Variants in CCSER1 observed in about 807,000 individuals in gnomAD.
CCSER1 encodes coiled-coil serine rich protein 1, also known as serine-rich coiled-coil domain-containing protein 1.
CCSER1 carries 41 observed loss-of-function variants against 82.0 expected under a neutral mutation model. That is an observed-to-expected ratio of 0.50 (90% CI 0.39 to 0.65). The LOEUF is 0.65. Ranked by LOEUF, CCSER1 falls within the 30% of genes least tolerant of loss-of-function variation. CCSER1 has a pLI of 0.00. For missense variants in CCSER1, 1,119 were observed against 1,064.2 expected, an observed-to-expected ratio of 1.05 and a Z score of -0.72; for synonymous variants, 414 against 383.9, an observed-to-expected ratio of 1.08 and a Z score of -0.92.
At chr4:90,287,738 TAA>T (rs1301252887) in intron 1 of CCSER1, among the ~76,000 whole-genome samples, 3 of 152,120 alleles carry the variant, frequency 2.0e-5, no homozygotes, top group Non-Finnish European at 2.9e-5. Context: ...AATTTATTTT[TAA>T]AGAGTCTATT....
chr4:90,569,895 C>CT (rs1779902571), intron 5 of CCSER1, among the ~76,000 whole-genome samples: 1 of 152,122 alleles, frequency 6.6e-6, no homozygotes, highest in Non-Finnish European at 1.5e-5. Flanking sequence ...AGGAGAGTGC[C>CT]TACAGCACAG....
chr4:91,280,836 G>A (rs1489592089), intron 10 of CCSER1, among the ~76,000 whole-genome samples: 1 of 152,156 alleles, frequency 6.6e-6, no homozygotes, highest in African/African-American at 2.4e-5. Flanking sequence ...GAATGTCAGT[G>A]GTGCTCCAGA....
intron 10 of CCSER1, among the ~76,000 whole-genome samples, chr4:91,218,225 C>G (rs1228420647): frequency 6.6e-6 from 1 of 152,216 alleles, no homozygotes; most frequent in Non-Finnish European, 1.5e-5. Flanking sequence ...CTAAGTCCCC[C>G]ATTGCCCGGG....
intron 10 of CCSER1, among the ~76,000 whole-genome samples, chr4:91,171,096 A>G (rs993866063): frequency 1.3e-5 from 2 of 152,200 alleles, no homozygotes; most frequent in Non-Finnish European, 2.9e-5. Flanking sequence ...TTTTTCCAAA[A>G]TAGAATAGAA....
At chr4:91,565,505 A>T (rs1762846862) in intron 10 of CCSER1, among the ~76,000 whole-genome samples, 1 of 152,082 alleles carries the variant, frequency 6.6e-6, no homozygotes, top group Non-Finnish European at 1.5e-5. Context: ...AGCCATTTTA[A>T]AGATATTGAT....
chr4:90,198,856 A>C (rs1737104569), intron 1 of CCSER1, among the ~76,000 whole-genome samples: 1 of 151,972 alleles, frequency 6.6e-6, no homozygotes, highest in Non-Finnish European at 1.5e-5. Context: ...ATGCTAATAT[A>C]AATGTTTTGA....
intron 1 of CCSER1, among the ~76,000 whole-genome samples, chr4:90,159,740 G>C (rs1729074477): frequency 6.6e-6 from 1 of 152,122 alleles, no homozygotes; most frequent in Non-Finnish European, 1.5e-5. Context: ...TTTTGACTCA[G>C]GTGGTCAGTA....
intron 5 of CCSER1, among the ~76,000 whole-genome samples, chr4:90,545,602 T>A (rs993946103): frequency 3.9e-5 from 6 of 152,086 alleles, no homozygotes; most frequent in Admixed American, 3.3e-4. Flanking sequence ...TACACTTATA[T>A]TTTTAGCCAT....
intron 10 of CCSER1, among the ~76,000 whole-genome samples, chr4:91,352,391 C>G (rs779275905): frequency 6.6e-6 from 1 of 152,154 alleles, no homozygotes; most frequent in Non-Finnish European, 1.5e-5. Flanking sequence ...GAACTACAGG[C>G]GTGTGCCACC....
At chr4:91,550,064 G>T (rs948544907) in intron 10 of CCSER1, among the ~76,000 whole-genome samples, 3 of 152,136 alleles carry the variant, frequency 2.0e-5, no homozygotes, top group African/African-American at 7.2e-5. Flanking sequence ...ACTGGCTACA[G>T]TTGGGTATTT....
intron 1 of CCSER1, among the ~76,000 whole-genome samples, chr4:90,239,183 G>T (rs912426974): frequency 3.3e-5 from 5 of 152,028 alleles, no homozygotes; most frequent in African/African-American, 1.2e-4. Context: ...CACATTTTTT[G>T]AGTAGTTGTT....
chr4:90,483,435 TG>T, intron 5 of CCSER1, among the ~76,000 whole-genome samples: 1 of 152,352 alleles, frequency 6.6e-6, no homozygotes, highest in East Asian at 1.9e-4. Context: ...CTGATTGTTT[TG>T]CTTGTTAGTT....
chr4:91,182,917 C>A (rs555489049), intron 10 of CCSER1, among the ~76,000 whole-genome samples: 16 of 152,330 alleles, frequency 1.1e-4, no homozygotes, highest in Non-Finnish European at 1.8e-4. Context: ...TTGGGCATCC[C>A]TGTATAATAG....
At chr4:90,724,045 A>G (rs1045637674) in intron 7 of CCSER1, 54 bp downstream of exon 7, 40 of 1,000,298 alleles carry the variant, frequency 4.0e-5, no homozygotes, top group Non-Finnish European at 6.0e-5. Flanking sequence ...TAGTTAATAA[A>G]TAGTTTAAAA....
chr4:91,209,776 A>G (rs753134638), intron 10 of CCSER1, among the ~76,000 whole-genome samples: 1 of 151,628 alleles, frequency 6.6e-6, no homozygotes, highest in South Asian at 2.1e-4. Flanking sequence ...TGGTCTGTTC[A>G]TGGATTCATT....
At chr4:91,331,083 A>C (rs1746919326) in intron 10 of CCSER1, among the ~76,000 whole-genome samples, 1 of 152,096 alleles carries the variant, frequency 6.6e-6, no homozygotes, top group Non-Finnish European at 1.5e-5. Context: ...GGGGGTCTTG[A>C]AATGTATCCT....
chr4:90,141,454 G>A (rs376338281), intron 1 of CCSER1, among the ~76,000 whole-genome samples: 3 of 152,324 alleles, frequency 2.0e-5, no homozygotes, highest in African/African-American at 2.4e-5. Context: ...TAATATGTTA[G>A]TGTATACATT....
intron 8 of CCSER1, among the ~76,000 whole-genome samples, chr4:90,843,683 G>T (rs1580740149): frequency 6.6e-6 from 1 of 152,162 alleles, no homozygotes; most frequent in South Asian, 2.1e-4. Flanking sequence ...TTTTCCGTAT[G>T]CCTTGTTATT....
chr4:90,832,917 A>C (rs1195255334), intron 8 of CCSER1, among the ~76,000 whole-genome samples: 1 of 152,208 alleles, frequency 6.6e-6, no homozygotes, highest in Non-Finnish European at 1.5e-5. Flanking sequence ...ACTGATAATC[A>C]ATATATGTTA....
Sources: allele counts gnomAD v4.1 joint callset (sites outside exome capture counted in the v4.1 genomes callset), GRCh38; gene constraint gnomAD v4.1.1; transcripts MANE v1.5; gene names NCBI Gene and HGNC (gene_info 2026-07-23, HGNC 2026-07-21).